Variants in MACROD2 observed in about 807,000 individuals in gnomAD.
The protein encoded by MACROD2 is ADP-ribose glycohydrolase MACROD2.
In MACROD2, 36 loss-of-function variants were observed where a neutral mutation model predicts 70.4. The ratio of observed to expected loss-of-function variants is 0.51; its 90% CI spans 0.39 to 0.68. The LOEUF (loss-of-function observed/expected upper bound fraction) is 0.68, where lower values mean the gene tolerates loss of function less well. MACROD2 is among the 30% of genes least tolerant of loss of function. MACROD2 has a pLI of 0.00. For synonymous variants in MACROD2, 172 were observed against 178.8 expected, an observed-to-expected ratio of 0.96 and a Z score of 0.30; for missense variants, 496 against 538.4, an observed-to-expected ratio of 0.92 and a Z score of 0.78.
intron 5 of MACROD2, among the ~76,000 whole-genome samples, chr20:14,945,019 A>G (rs985587676): frequency 9.2e-5 from 14 of 152,128 alleles, no homozygotes; most frequent in East Asian, 1.9e-4. Flanking sequence ...CTACTAAACC[A>G]TGATTTAAAG....
At chr20:14,700,975 T>G (rs1027978535) in intron 5 of MACROD2, among the ~76,000 whole-genome samples, 5 of 152,072 alleles carry the variant, frequency 3.3e-5, no homozygotes, top group Admixed American at 6.6e-5. Flanking sequence ...GCCAAGACTA[T>G]AGAGACCCCC....
At chr20:15,846,668 A>G (rs1481452287) in intron 8 of MACROD2, among the ~76,000 whole-genome samples, 1 of 152,086 alleles carries the variant, frequency 6.6e-6, no homozygotes, top group Non-Finnish European at 1.5e-5. Context: ...TACGTAAGCC[A>G]TGGCTCATGC....
chr20:15,253,151 A>G (rs6043155), intron 6 of MACROD2, among the ~76,000 whole-genome samples: 19,373 of 152,226 alleles, frequency 0.13, 1,508 homozygotes, highest in African/African-American at 0.21. Flanking sequence ...TCATCAAAAT[A>G]GGCAGGAAAG....
chr20:15,333,901 G>A (rs896119175), intron 6 of MACROD2, among the ~76,000 whole-genome samples: 1 of 151,630 alleles, frequency 6.6e-6, no homozygotes, highest in Non-Finnish European at 1.5e-5. Flanking sequence ...TCTGAGAACA[G>A]ACCACATGGG....
intron 8 of MACROD2, among the ~76,000 whole-genome samples, chr20:15,849,471 C>G (rs1405584790): frequency 1.3e-5 from 2 of 152,148 alleles, no homozygotes; most frequent in Non-Finnish European, 2.9e-5. Flanking sequence ...CAGTGGGCCC[C>G]GTTCCTTCGA....
intron 7 of MACROD2, among the ~76,000 whole-genome samples, chr20:15,496,259 A>G (rs1469812811): frequency 6.6e-6 from 1 of 152,266 alleles, no homozygotes; most frequent in East Asian, 1.9e-4. Flanking sequence ...TAAATCAGTA[A>G]CTTTGAATCG....
At chr20:14,335,294 T>C (rs2082916742) in intron 3 of MACROD2, among the ~76,000 whole-genome samples, 1 of 152,190 alleles carries the variant, frequency 6.6e-6, no homozygotes, top group African/African-American at 2.4e-5. Flanking sequence ...GGAGTTTCTA[T>C]TTGATTGGGC....
chr20:14,934,754 C>G (rs148444671), intron 5 of MACROD2, among the ~76,000 whole-genome samples: 3 of 152,186 alleles, frequency 2.0e-5, no homozygotes, highest in East Asian at 1.9e-4. Context: ...CCACTGCACT[C>G]TAGCCTGGGC....
At chr20:15,688,146 C>T (rs922950879) in intron 8 of MACROD2, among the ~76,000 whole-genome samples, 4 of 152,158 alleles carry the variant, frequency 2.6e-5, no homozygotes, top group Non-Finnish European at 4.4e-5. Context: ...TAAAATATTT[C>T]CTTGCTACAT....
Position 14,839,323 on chromosome 20 carries a change from G to A in MACROD2, c.418+154364G>A. ...TAATACTTTAAAACACAAGTCTGAT[G>A]GAATGAGAGATCGCATGAAAGAATT... is the stretch of plus-strand genomic sequence containing the variant. On this transcript the variant is annotated intron_variant, in intron 5 of 17. Coordinates refer to ENST00000684519, the MANE Select transcript of MACROD2 (RefSeq NM_001351661.2). Among the ~76,000 whole-genome samples the A allele has an allele frequency of 1.3e-5, 2 of 152,026 alleles. 1 individual carries two copies. The highest frequency in any genetic ancestry group is 2.9e-5 in the Non-Finnish European group (2 of 67,990).
intron 3 of MACROD2, among the ~76,000 whole-genome samples, chr20:14,442,067 T>TGAGACCAGCCTGGCCAACATGGC (rs1302619783): frequency 1.3e-5 from 2 of 151,938 alleles, no homozygotes; most frequent in Non-Finnish European, 2.9e-5. Context: ...GTCAGGAGTT[T>TGAGACCAGCCTGGCCAACATGGC]GAGACCAGCC....
chr20:14,378,123 G>A (rs1402635050), intron 3 of MACROD2, among the ~76,000 whole-genome samples: 3 of 152,162 alleles, frequency 2.0e-5, no homozygotes, highest in Non-Finnish European at 4.4e-5. Flanking sequence ...CTTACCTCCA[G>A]AGTTTCCATA....
intron 3 of MACROD2, among the ~76,000 whole-genome samples, chr20:14,220,220 G>T (rs975677781): frequency 8.5e-5 from 13 of 152,098 alleles, no homozygotes; most frequent in African/African-American, 2.9e-4. Context: ...CTGTTGGGGG[G>T]TGGAGGTGAG....
At chr20:14,813,341 C>T (rs916897175) in intron 5 of MACROD2, among the ~76,000 whole-genome samples, 1 of 149,854 alleles carries the variant, frequency 6.7e-6, no homozygotes, top group Admixed American at 6.7e-5. Flanking sequence ...ATGCTCTCCC[C>T]CTTCCTCTGC....
intron 10 of MACROD2, among the ~76,000 whole-genome samples, chr20:15,932,677 A>G (rs1189169333): frequency 5.9e-5 from 9 of 152,222 alleles, no homozygotes; most frequent in Non-Finnish European, 1.3e-4. Flanking sequence ...TATAGTAGCT[A>G]TTTTAAGAAA....
intron 5 of MACROD2, among the ~76,000 whole-genome samples, chr20:14,860,613 T>C (rs978886566): frequency 1.7e-4 from 26 of 152,128 alleles, no homozygotes; most frequent in African/African-American, 5.8e-4. Flanking sequence ...CACTGGCCCC[T>C]TTGATGCTTT....
At chr20:14,639,596 G>A (rs1309075919) in intron 4 of MACROD2, among the ~76,000 whole-genome samples, 1 of 152,058 alleles carries the variant, frequency 6.6e-6, no homozygotes, top group Non-Finnish European at 1.5e-5. Context: ...TGAGAATTTT[G>A]CCACCATTTT....
At chr20:14,580,612 G>A (rs1017830071) in intron 4 of MACROD2, among the ~76,000 whole-genome samples, 2 of 152,170 alleles carry the variant, frequency 1.3e-5, no homozygotes, top group Admixed American at 6.5e-5. Context: ...GTAAACAAAT[G>A]CTGGCAAAGC....
At chr20:14,271,464 A>G (rs1386460182) in intron 3 of MACROD2, among the ~76,000 whole-genome samples, 1 of 152,228 alleles carries the variant, frequency 6.6e-6, no homozygotes, top group East Asian at 1.9e-4. Flanking sequence ...TAACAAACAG[A>G]AAGGACATCC....
Sources: gnomAD v4.1 joint callset for allele counts (sites outside exome capture counted in the v4.1 genomes callset) on GRCh38, gnomAD v4.1.1 for gene constraint, MANE v1.5 for transcripts, NCBI Gene and HGNC (gene_info 2026-07-23, HGNC 2026-07-21) for gene names.